Variants in GGA2 observed in about 807,000 individuals in gnomAD.
The protein encoded by GGA2 is ADP-ribosylation factor-binding protein GGA2.
GGA2 carries 48 observed loss-of-function variants against 79.5 expected under a neutral mutation model. The observed-to-expected ratio is 0.60, with a 90% CI of 0.48 to 0.77. GGA2 has a LOEUF of 0.77. Ranked by LOEUF, GGA2 falls within the 30% of genes least tolerant of loss-of-function variation. GGA2 has a pLI of 0.00. For missense variants in GGA2, 770 were observed against 774.0 expected, an observed-to-expected ratio of 0.99 and a Z score of 0.06; for synonymous variants, 317 against 302.0, an observed-to-expected ratio of 1.05 and a Z score of -0.51.
intron 1 of GGA2, among the ~76,000 whole-genome samples, chr16:23,496,832 C>T (rs891928026): frequency 6.6e-6 from 1 of 151,156 alleles, no homozygotes; most frequent in African/African-American, 2.4e-5. Flanking sequence ...GTGGAGTGTT[C>T]CTGTAATCCC....
chr16:23,508,928 C>T (rs1264929094), intron 1 of GGA2, among the ~76,000 whole-genome samples: 1 of 152,056 alleles, frequency 6.6e-6, no homozygotes, highest in Non-Finnish European at 1.5e-5. Flanking sequence ...CTAGATTTCT[C>T]CTTGTCCCCT....
chr16:23,513,067 C>T (rs1223176225), upstream of GGA2, among the ~76,000 whole-genome samples: 1 of 152,082 alleles, frequency 6.6e-6, no homozygotes, highest in Non-Finnish European at 1.5e-5. Flanking sequence ...AACACTGGAC[C>T]CGGCTTTCCA....
At chr16:23,524,069 C>T (rs902439971), upstream of GGA2, 7 of 416,186 alleles carry the variant, frequency 1.7e-5, no homozygotes, top group African/African-American at 8.1e-5. Flanking sequence ...TGCACTGTTC[C>T]GGGATGTTAA....
At chr16:23,471,455 G>A (rs1246600890) in intron 14 of GGA2, among the ~76,000 whole-genome samples, 1 of 152,008 alleles carries the variant, frequency 6.6e-6, no homozygotes, top group Non-Finnish European at 1.5e-5. Flanking sequence ...TACAATTCAA[G>A]TAAAGTGACA....
upstream of GGA2, among the ~76,000 whole-genome samples, chr16:23,514,103 C>CT (rs879933447): frequency 3.9e-4 from 57 of 146,732 alleles, no homozygotes; most frequent in Admixed American, 9.5e-4. Context: ...CAACATAAAA[C>CT]TTTTTTTTTT....
At chr16:23,475,187 G>A in intron 13 of GGA2, 126 bp from the exon 14 acceptor site, 1 of 474,308 alleles carries the variant, frequency 2.1e-6, no homozygotes, top group South Asian at 2.6e-5. Context: ...GATGTTATAT[G>A]CCTTTTTTTT....
intron 8 of GGA2, among the ~76,000 whole-genome samples, chr16:23,483,457 G>C (rs1964674159): frequency 2.0e-5 from 3 of 152,170 alleles, no homozygotes; most frequent in African/African-American, 7.2e-5. Flanking sequence ...TGGAAGGACA[G>C]GTAAATAAAG....
chr16:23,491,874 G>T, intron 4 of GGA2, 74 bp from the exon 5 acceptor site: 2 of 1,024,530 alleles, frequency 2.0e-6, no homozygotes, highest in Non-Finnish European at 3.0e-6. Flanking sequence ...TAAAGAGGTA[G>T]CTGCTGAGGC....
chr16:23,512,237 A>C (rs549425646), upstream of GGA2, among the ~76,000 whole-genome samples: 1 of 152,148 alleles, frequency 6.6e-6, no homozygotes, highest in Admixed American at 6.5e-5. Flanking sequence ...AAAGAGCATC[A>C]GTTTATATAG....
At position 23,473,330 on chromosome 16, in the gene GGA2, C is replaced by CTTTTTTT. The variant is rs34972165; in HGVS notation, c.1450+1567_1450+1573dup. ...GTATAGATGATTTTACTTTTCTAGTCTTTTTTTTTTTTTTTTTTTTTTTTT... is the reference window on the plus strand; with the variant it reads ...GTATAGATGATTTTACTTTTCTAGTCTTTTTTTTTTTTTTTTTTTTTTTTTTTTTTTT... On this transcript the variant is annotated intron_variant, in intron 14 of 16. Coordinates refer to ENST00000309859, the MANE Select transcript of GGA2 (RefSeq NM_015044.4). Among the ~76,000 whole-genome samples, 48 of 70,692 alleles carry CTTTTTTT rather than the reference C, an allele frequency of 6.8e-4. 13 individuals are homozygous for CTTTTTTT. The highest frequency in any genetic ancestry group is 3.9e-3 in the Admixed American group (15 of 3,886). 46.4% of individuals were successfully genotyped at this position (70,692 alleles called of 152,430 possible). A position where few individuals can be genotyped will look rare whatever the true frequency, so the allele number is the denominator to read the frequency against.
intron 14 of GGA2, among the ~76,000 whole-genome samples, chr16:23,472,200 T>C (rs1477291175): frequency 1.4e-5 from 2 of 143,028 alleles, no homozygotes; most frequent in Non-Finnish European, 3.0e-5. Flanking sequence ...TTTTTTTTTT[T>C]TTTTTTTTTT....
At chr16:23,492,467 A>G (rs529019145) in intron 4 of GGA2, among the ~76,000 whole-genome samples, 2 of 152,266 alleles carry the variant, frequency 1.3e-5, no homozygotes, top group South Asian at 2.1e-4. Context: ...ATGATGTGTA[A>G]AAAAACAAAA....
rs1964627365 is a variant in GGA2, at chr16:23,479,949, A to G, written c.1007-62T>C. 18 of 1,555,970 alleles carry G rather than the reference A, an allele frequency of 1.2e-5. No individual in the cohort carries two copies. The Admixed American group carries it at 1.7e-4, about 15-fold the overall frequency. On this transcript the variant is annotated intron_variant, in intron 10 of 16. Coordinates refer to ENST00000309859, the MANE Select transcript of GGA2 (RefSeq NM_015044.4). The stretch of plus-strand genomic sequence containing the variant: ...ACATGAGAGCAAAGTCTCCACATAA[A>G]TCCTATCAGCTTCCCTCAGACCACC...
Position 23,465,093 on chromosome 16 carries a change from C to T in GGA2, c.*2497G>A. The T allele has an allele frequency of 1.8e-6, 1 of 563,076 alleles. No individual in the cohort carries two copies. 34.9% of individuals were successfully genotyped at this position (563,076 alleles called of 1,614,324 possible). ...GCACACACATCATGAATTTGCTTCTCCCCAGAGGAAAAGAAGCTCCTTCAG... is the reference window on the plus strand; with the variant it reads ...GCACACACATCATGAATTTGCTTCTTCCCAGAGGAAAAGAAGCTCCTTCAG... On this transcript the variant is annotated 3_prime_UTR_variant, in exon 17 of 17. Transcript: ENST00000309859.
At chr16:23,471,677 A>G (rs1964513029) in intron 14 of GGA2, among the ~76,000 whole-genome samples, 1 of 152,124 alleles carries the variant, frequency 6.6e-6, no homozygotes, top group Non-Finnish European at 1.5e-5. Flanking sequence ...AAATGGGAAA[A>G]CTGCTTGAGG....
chr16:23,502,698 T>C (rs1203326168), intron 1 of GGA2, among the ~76,000 whole-genome samples: 2 of 152,150 alleles, frequency 1.3e-5, no homozygotes, highest in Non-Finnish European at 2.9e-5. Context: ...CTGAGGAAGT[T>C]TGCCCAGACA....
chr16:23,510,960 T>C (rs924186684), upstream of GGA2, among the ~76,000 whole-genome samples: 1 of 131,868 alleles, frequency 7.6e-6, no homozygotes, highest in Non-Finnish European at 1.6e-5. Flanking sequence ...AGAGACTGGG[T>C]TTCACCATGT....
chr16:23,480,110 C>A (rs1052585530), intron 10 of GGA2: 19 of 522,914 alleles, frequency 3.6e-5, no homozygotes, highest in South Asian at 3.3e-4. Flanking sequence ...GGATCATAGG[C>A]CCTCCTGCAA....
Position 23,466,562 on chromosome 16 carries a change from T to C in GGA2, c.*1028A>G, listed in dbSNP as rs1447346338. On this transcript the variant is annotated 3_prime_UTR_variant, in exon 17 of 17. Coordinates refer to ENST00000309859, the MANE Select transcript of GGA2 (RefSeq NM_015044.4). Reference sequence around the variant, plus strand: ...ATCTCTAAATGCAACTGGCTTTCCATTTTCCACTTACTCAACACTCCACAA... The same window carrying C: ...ATCTCTAAATGCAACTGGCTTTCCACTTTCCACTTACTCAACACTCCACAA... The C allele has an allele frequency of 6.6e-6, 1 of 152,226 alleles. No homozygotes were observed. The highest frequency in any genetic ancestry group is 1.5e-5 in the Non-Finnish European group (1 of 68,050). 9.4% of individuals were successfully genotyped at this position (152,226 alleles called of 1,614,324 possible).
Sources: allele counts gnomAD v4.1 joint callset (sites outside exome capture counted in the v4.1 genomes callset), GRCh38; gene constraint gnomAD v4.1.1; transcripts MANE v1.5; gene names NCBI Gene and HGNC (gene_info 2026-07-23, HGNC 2026-07-21).